Variants in GJC1 observed in about 807,000 individuals in gnomAD.
The protein encoded by GJC1 is gap junction gamma-1 protein.
In GJC1, 5 loss-of-function variants were observed where a neutral mutation model predicts 29.3. The observed-to-expected ratio is 0.17, with a 90% CI of 0.09 to 0.36. The LOEUF is 0.36. Among genes scored for constraint, GJC1 ranks in the 10% least tolerant of loss-of-function variants. The probability of loss-of-function intolerance (pLI) is 1.00; values close to 1 mark genes in which losing one functional copy is unlikely to be tolerated. For missense variants in GJC1, 310 were observed against 496.2 expected (o/e 0.62, Z 3.56); for synonymous variants, 177 against 183.3 (o/e 0.97, Z 0.28).
intron 1 of GJC1, among the ~76,000 whole-genome samples, chr17:44,815,316 G>T (rs955438380): frequency 2.6e-5 from 4 of 152,042 alleles, no homozygotes; most frequent in Admixed American, 6.6e-5. Flanking sequence ...AATAGCTGGG[G>T]TCCAACTGAT....
At chr17:44,806,140 G>T (rs41280084) in intron 2 of GJC1, among the ~76,000 whole-genome samples, 1,583 of 152,206 alleles carry the variant, frequency 0.01, 10 homozygotes, top group Non-Finnish European at 0.016. Flanking sequence ...GGGCACGGTG[G>T]TGTGCACCTG....
intron 1 of GJC1, among the ~76,000 whole-genome samples, chr17:44,821,881 T>C (rs2050112414): frequency 6.6e-6 from 1 of 151,450 alleles, no homozygotes; most frequent in Non-Finnish European, 1.5e-5. Context: ...CCTAAACAAA[T>C]ACAGGGCATT....
Position 44,830,072 on chromosome 17 carries a change from G to C in GJC1, c.-107C>G, listed in dbSNP as rs2050214958. 6.6e-6 allele frequency: 1 copy of C among 152,376 alleles called. No individual in the cohort carries two copies. The highest frequency in any genetic ancestry group is 1.5e-5 in the Non-Finnish European group (1 of 67,986). The allele number at this position is 152,376 out of a possible 1,614,324, so 9.4% of individuals were successfully genotyped here. ...GCGGCCGCCCCTCACCCGGCGGCGG[G>C]TTCCCCCGGAGCCGCCTCCTCCGCC... On this transcript the variant is annotated 5_prime_UTR_variant, in exon 1 of 3. Coordinates refer to ENST00000592524, the MANE Select transcript of GJC1 (RefSeq NM_005497.4). This position sits in a 1 kb window ranked among gnomAD's most constrained non-coding sequence, Gnocchi z 4.3.
intron 2 of GJC1, among the ~76,000 whole-genome samples, chr17:44,806,597 C>CA (rs2049917050): frequency 6.6e-6 from 1 of 151,842 alleles, no homozygotes; most frequent in Middle Eastern, 3.2e-3. Flanking sequence ...CCATGTTGGC[C>CA]AGGCTGGTCT....
Position 44,799,349 on chromosome 17 carries a change from G to A in GJC1, c.*5278C>T, listed in dbSNP as rs560526825. ...ACATCCCGAGTAGCTGGGATTACAG[G>A]TGTGCACCACCATGCCCGGCTAATT... On this transcript the variant is annotated 3_prime_UTR_variant, in exon 3 of 3. Coordinates refer to ENST00000592524, the MANE Select transcript of GJC1 (RefSeq NM_005497.4). The A allele has an allele frequency of 1.3e-5, 2 of 151,990 alleles. No individual in the cohort carries two copies. Among genetic ancestry groups the A allele is most frequent in the East Asian group, 3.9e-4 (2 of 5,146 alleles). The allele number at this position is 151,990 out of a possible 1,614,324, so 9.4% of individuals were successfully genotyped here.
intron 1 of GJC1, among the ~76,000 whole-genome samples, chr17:44,821,433 C>T (rs2050104325): frequency 6.6e-6 from 1 of 151,920 alleles, no homozygotes; most frequent in African/African-American, 2.4e-5. Context: ...TGCGGTGGCT[C>T]ATGCCTGTAA....
At chr17:44,824,403 A>T (rs1293898999) in intron 1 of GJC1, among the ~76,000 whole-genome samples, 6 of 151,712 alleles carry the variant, frequency 4.0e-5, no homozygotes, top group African/African-American at 1.5e-4. Flanking sequence ...GGCTCAAAAA[A>T]TCCTCCTGCC....
At chr17:44,812,591 T>C (rs904965620) in intron 1 of GJC1, among the ~76,000 whole-genome samples, 1 of 152,028 alleles carries the variant, frequency 6.6e-6, no homozygotes, top group Non-Finnish European at 1.5e-5. Flanking sequence ...AGTCTTTATC[T>C]AAATGAATAC....
At chr17:44,809,720 A>G (rs538002192) in intron 1 of GJC1, among the ~76,000 whole-genome samples, 298 of 149,878 alleles carry the variant, frequency 2.0e-3, no homozygotes, top group Non-Finnish European at 2.4e-3. Flanking sequence ...ACAGGTATGC[A>G]CCACCACGCC....
chr17:44,825,631 T>C (rs1239037609), intron 1 of GJC1, among the ~76,000 whole-genome samples: 1 of 152,000 alleles, frequency 6.6e-6, no homozygotes, highest in Non-Finnish European at 1.5e-5. Context: ...AAAAATTAGC[T>C]GGGCGTGGTG....
intron 1 of GJC1, among the ~76,000 whole-genome samples, chr17:44,812,830 G>A (rs1304609861): frequency 6.6e-6 from 1 of 151,716 alleles, no homozygotes; most frequent in African/African-American, 2.4e-5. Flanking sequence ...TGTATTTTTA[G>A]TAGAGACAGG....
At position 44,804,825 on chromosome 17, in the gene GJC1, G is replaced by A; in HGVS notation, c.993C>T (p.Leu331=). The A allele has an allele frequency of 6.2e-7, 1 of 1,614,216 alleles. No individual in the cohort carries two copies. Among genetic ancestry groups the A allele is most frequent in the South Asian group, 1.1e-5 (1 of 91,090 alleles). Residue 331 remains leucine (L), a synonymous_variant, in exon 3 of 3, where the codon CTC becomes CTT. Coordinates refer to ENST00000592524, the MANE Select transcript of GJC1 (RefSeq NM_005497.4). Reference sequence around the variant, plus strand: ...GCTGCAGAGCCTCCAGGTCAGCTGGGAGGTTCTCCTCATGGCTGCCATACT... The same window carrying A: ...GCTGCAGAGCCTCCAGGTCAGCTGGAAGGTTCTCCTCATGGCTGCCATACT... The part of the protein sequence containing the change: ...EQQYGSHEEN[L]PADLEALQRE...
intron 1 of GJC1, among the ~76,000 whole-genome samples, chr17:44,811,837 C>T (rs1395331106): frequency 6.6e-6 from 1 of 151,902 alleles, no homozygotes. Flanking sequence ...AACCCCGTCT[C>T]TACTAAAAAT....
At chr17:44,828,058 T>A (rs2050194870) in intron 1 of GJC1, among the ~76,000 whole-genome samples, 1 of 152,172 alleles carries the variant, frequency 6.6e-6, no homozygotes, top group African/African-American at 2.4e-5. Context: ...AAGATCCTCA[T>A]TACTCAATTG....
chr17:44,816,112 CAAAAAAAAAAAAA>C (rs34938283), intron 1 of GJC1, among the ~76,000 whole-genome samples: 7 of 47,442 alleles, frequency 1.5e-4, no homozygotes, highest in Non-Finnish European at 2.4e-4. Flanking sequence ...CACTCCGTCT[CAAAAAAAAAAAAA>C]AAAAAAAAAA....
chr17:44,821,510 CA>C (rs541067043), intron 1 of GJC1, among the ~76,000 whole-genome samples: 160 of 151,546 alleles, frequency 1.1e-3, no homozygotes, highest in African/African-American at 3.8e-3. Context: ...CCAGCCTGAC[CA>C]ATATTGGCGA....
At chr17:44,813,744 CG>C (rs1176757364) in intron 1 of GJC1, among the ~76,000 whole-genome samples, 2 of 152,056 alleles carry the variant, frequency 1.3e-5, no homozygotes, top group African/African-American at 4.8e-5. Flanking sequence ...CTGCTCACCT[CG>C]GCCTCCCAAA....
rs1254694075 is a variant in GJC1, at chr17:44,830,243, G to GCCGCCGCCGCCTCCCGCTC, written c.-297_-279dup. The GCCGCCGCCGCCTCCCGCTC allele has an allele frequency of 9.4e-5, 15 of 160,282 alleles. No individual in the cohort carries two copies. Among genetic ancestry groups the GCCGCCGCCGCCTCCCGCTC allele is most frequent in the East Asian group, 1.8e-4 (1 of 5,528 alleles). The allele number at this position is 160,282 out of a possible 1,614,324, so 9.9% of individuals were successfully genotyped here. A position where few individuals can be genotyped will look rare whatever the true frequency, so the allele number is the denominator to read the frequency against. ...AGAAGCCGCTCCCGCCGCTGCCGCCGCCGCCGCCGCCTCCCGCTCCCGCCG... is the reference window on the plus strand; with the variant it reads ...AGAAGCCGCTCCCGCCGCTGCCGCCGCCGCCGCCGCCTCCCGCTCCCGCCGCCGCCTCCCGCTCCCGCCG... On this transcript the variant is annotated 5_prime_UTR_variant, in exon 1 of 3. Coordinates refer to ENST00000592524, the MANE Select transcript of GJC1 (RefSeq NM_005497.4). The surrounding 1 kb of genome is among the most constrained non-coding windows in gnomAD (Gnocchi z 4.3).
intron 1 of GJC1, among the ~76,000 whole-genome samples, chr17:44,815,696 G>A (rs1422013762): frequency 6.6e-6 from 1 of 151,906 alleles, no homozygotes; most frequent in African/African-American, 2.4e-5. Context: ...TCTATAAAAG[G>A]TAATCTTGAT....
Sources: allele counts gnomAD v4.1 joint callset (sites outside exome capture counted in the v4.1 genomes callset), GRCh38; gene constraint gnomAD v4.1.1; non-coding constraint Gnocchi (gnomAD v3.1); transcripts MANE v1.5; gene names NCBI Gene and HGNC (gene_info 2026-07-23, HGNC 2026-07-21).